The following ARMC2 variants were observed in gnomAD, a reference collection of about 807,000 sequenced individuals.
ARMC2 encodes armadillo repeat containing 2.
ARMC2 carries 67 observed loss-of-function variants against 90.3 expected under a neutral mutation model. The observed-to-expected ratio is 0.74, with a 90% CI of 0.61 to 0.91. The LOEUF is 0.91. ARMC2 is among the 40% of genes least tolerant of loss of function. ARMC2 has a pLI of 0.00. For missense variants in ARMC2, 920 were observed against 1,030.9 expected, an observed-to-expected ratio of 0.89 and a Z score of 1.47; for synonymous variants, 393 against 393.0, an observed-to-expected ratio of 1.00 and a Z score of 0.00.
intron 16 of ARMC2, 50 bp downstream of exon 16, chr6:108,964,362 C>A: frequency 1.3e-6 from 2 of 1,586,824 alleles, no homozygotes; most frequent in Non-Finnish European, 1.7e-6. Flanking sequence ...TGAAGGACAT[C>A]ATTTTCTTGG....
chr6:109,007,606 C>T, the ARMC2 span, among the ~76,000 whole-genome samples: 1 of 152,122 alleles, frequency 6.6e-6, no homozygotes, highest in South Asian at 2.1e-4. Flanking sequence ...CCCACTCGCC[C>T]TTCTCTGGGA....
chr6:109,009,375 C>A, the ARMC2 span: 1 of 1,468,092 alleles, frequency 6.8e-7, no homozygotes, highest in Non-Finnish European at 9.0e-7. Context: ...CTGGTCGCGG[C>A]CCCCGCCGCA....
chr6:108,983,602 A>G, the ARMC2 span, among the ~76,000 whole-genome samples: 1 of 152,134 alleles, frequency 6.6e-6, no homozygotes, highest in African/African-American at 2.4e-5. Context: ...ATTGGCCTGT[A>G]TGTTTGACTT....
At chr6:109,009,084 G>T in the ARMC2 span, 1 of 838,296 alleles carries the variant, frequency 1.2e-6, no homozygotes, top group Non-Finnish European at 1.6e-6. Flanking sequence ...TTACATGACC[G>T]CGGCCGCAGT....
At chr6:109,026,408 T>C in the ARMC2 span, among the ~76,000 whole-genome samples, 34 of 152,340 alleles carry the variant, frequency 2.2e-4, 1 homozygote, top group Admixed American at 2.0e-3. Context: ...GAATAGTACA[T>C]TCTGTACGAA....
At chr6:108,989,261 C>T in the ARMC2 span, among the ~76,000 whole-genome samples, 297 of 152,220 alleles carry the variant, frequency 2.0e-3, 2 homozygotes, top group African/African-American at 7.1e-3. Flanking sequence ...CCTTGGCTTC[C>T]CAAAGTGCTG....
rs745310681 is a variant in ARMC2, at chr6:108,973,354, C to T, written c.2447-3C>T. 52 of 1,602,788 alleles carry T rather than the reference C, an allele frequency of 3.2e-5. 1 individual carries two copies. The highest frequency in any genetic ancestry group is 1.7e-4 in the Middle Eastern group (1 of 6,016). ...TGCTGTAATTTAAATTTTTCTAATA[C>T]AGATGAAGAACTAGCACTGGATGGC... is the stretch of plus-strand genomic sequence containing the variant. On this transcript the variant is annotated splice_region_variant and splice_polypyrimidine_tract_variant and intron_variant, in intron 17 of 17. Transcript: ENST00000392644.
the ARMC2 span, among the ~76,000 whole-genome samples, chr6:108,990,021 A>T: frequency 6.6e-6 from 1 of 152,214 alleles, no homozygotes; most frequent in Non-Finnish European, 1.5e-5. Context: ...TAGGGTTTGT[A>T]GGTTTTGACC....
rs1773159289 is a variant in ARMC2 at position 108,909,364 on chromosome 6, G to GT, written c.1024-1529dup. ...TTCCCTAATATTAGATACTTAGGATGTTTTTTATTTTTCTTTTTTACTACT... is the reference window on the plus strand; with the variant it reads ...TTCCCTAATATTAGATACTTAGGATGTTTTTTTATTTTTCTTTTTTACTACT... On this transcript the variant is annotated intron_variant, in intron 8 of 17. Coordinates refer to ENST00000392644, the MANE Select transcript of ARMC2 (RefSeq NM_032131.6). Among the ~76,000 whole-genome samples, 5 of 151,660 alleles carry GT rather than the reference G, an allele frequency of 3.3e-5. No homozygotes were observed. In the South Asian group the frequency reaches 8.3e-4, roughly 25 times the overall value.
chr6:108,994,876 G>GTGTT, the ARMC2 span, among the ~76,000 whole-genome samples: 1 of 151,662 alleles, frequency 6.6e-6, no homozygotes, highest in African/African-American at 2.4e-5. Flanking sequence ...CTAATTTTTT[G>GTGTT]TGTTTTTTAG....
At chr6:108,862,400 C>T (rs1182372810) in intron 3 of ARMC2, among the ~76,000 whole-genome samples, 2 of 147,600 alleles carry the variant, frequency 1.4e-5, no homozygotes, top group African/African-American at 2.5e-5. Context: ...TAAAAGTAGT[C>T]TAAGAAGTTC....
At chr6:108,906,501 A>G (rs1772740789) in intron 8 of ARMC2, among the ~76,000 whole-genome samples, 1 of 151,866 alleles carries the variant, frequency 6.6e-6, no homozygotes, top group South Asian at 2.1e-4. Context: ...TTTCTTAAAG[A>G]CAAGATCTCG....
intron 5 of ARMC2, among the ~76,000 whole-genome samples, chr6:108,878,640 A>G (rs1022147250): frequency 6.6e-6 from 1 of 152,236 alleles, no homozygotes; most frequent in African/African-American, 2.4e-5. Flanking sequence ...TAAACAAAGT[A>G]TCATTGTAAA....
chr6:109,027,476 C>CAAA, the ARMC2 span, among the ~76,000 whole-genome samples: 240 of 27,310 alleles, frequency 8.8e-3, 25 homozygotes, highest in African/African-American at 0.026. Flanking sequence ...GACTCTGTCT[C>CAAA]AAAAAAAAAA....
the ARMC2 span, among the ~76,000 whole-genome samples, chr6:108,993,888 G>C: frequency 6.6e-6 from 1 of 151,960 alleles, no homozygotes; most frequent in Non-Finnish European, 1.5e-5. Flanking sequence ...AAAAATCACA[G>C]AATTTTAACT....
At chr6:109,006,420 GTATA>G in the ARMC2 span, among the ~76,000 whole-genome samples, 74 of 151,746 alleles carry the variant, frequency 4.9e-4, no homozygotes, top group African/African-American at 1.5e-3. Flanking sequence ...TTTACATTAG[GTATA>G]TCTCCTAATG....
Position 108,973,512 on chromosome 6 carries a change from T to C in ARMC2, c.2602T>C (p.Ter868GlnextTer5). 6.2e-7 allele frequency: 1 copy of C among 1,610,120 alleles called. No individual in the cohort carries two copies. Among genetic ancestry groups the C allele is most frequent in the Non-Finnish European group, 8.5e-7 (1 of 1,177,622 alleles). The change falls in exon 18 of 18, where the codon TAA (stop) becomes CAA (glutamine). Residue 868 changes from the stop codon to glutamine, a stop_lost. Transcript: ENST00000392644. The part of the protein sequence containing the change: ...FLEPLPIPSF[*>Q] Reference sequence around the variant, plus strand: ...GGAACCCCTGCCCATTCCCTCTTTCTAACATGATGCAGATTAACAGTAGAA... The same window carrying C: ...GGAACCCCTGCCCATTCCCTCTTTCCAACATGATGCAGATTAACAGTAGAA...
At chr6:108,902,002 G>A (rs1204442749) in intron 7 of ARMC2, among the ~76,000 whole-genome samples, 1 of 152,210 alleles carries the variant, frequency 6.6e-6, no homozygotes, top group Admixed American at 6.5e-5. Flanking sequence ...GAGTGCTGCT[G>A]TGTCCCTCTC....
chr6:108,920,150 GAT>G (rs1237971437), intron 10 of ARMC2, among the ~76,000 whole-genome samples: 3 of 152,070 alleles, frequency 2.0e-5, no homozygotes, highest in African/African-American at 7.2e-5. Flanking sequence ...CTTTGGTATT[GAT>G]CACTACACTG....
Sources: allele counts gnomAD v4.1 joint callset (sites outside exome capture counted in the v4.1 genomes callset), GRCh38; gene constraint gnomAD v4.1.1; transcripts MANE v1.5; gene names NCBI Gene and HGNC (gene_info 2026-07-23, HGNC 2026-07-21).